Variants in ZNRF1 observed in about 807,000 individuals in gnomAD.
ZNRF1 encodes the protein E3 ubiquitin-protein ligase ZNRF1.
ZNRF1 carries 3 observed loss-of-function variants against 18.4 expected under a neutral mutation model. The observed-to-expected ratio is 0.16, with a 90% CI of 0.07 to 0.42. The LOEUF (loss-of-function observed/expected upper bound fraction) is 0.42, where lower values mean the gene tolerates loss of function less well. ZNRF1 is among the 10% of genes least tolerant of loss of function. The pLI, the probability that ZNRF1 is intolerant of heterozygous loss-of-function variation, is 0.99. For missense variants in ZNRF1, 310 were observed against 329.8 expected (o/e 0.94, Z 0.47); for synonymous variants, 157 against 144.2 (o/e 1.09, Z -0.64).
intron 1 of ZNRF1, among the ~76,000 whole-genome samples, chr16:75,010,719 G>GTTTTTTT (rs71158572): frequency 4.7e-5 from 4 of 85,046 alleles, no homozygotes; most frequent in Non-Finnish European, 1.0e-4. Context: ...TTGTTTTTTT[G>GTTTTTTT]TTTTTTTTTT....
chr16:75,015,555 A>G (rs890580847), intron 1 of ZNRF1, among the ~76,000 whole-genome samples: 1 of 152,208 alleles, frequency 6.6e-6, no homozygotes, highest in African/African-American at 2.4e-5. Flanking sequence ...AGCCTGGGCA[A>G]CAAGAGTGAA....
chr16:75,002,975 C>CA (rs2034871979), intron 1 of ZNRF1, among the ~76,000 whole-genome samples: 1 of 152,134 alleles, frequency 6.6e-6, no homozygotes, highest in Non-Finnish European at 1.5e-5. Context: ...TTTTTTGAGA[C>CA]AGAGTTTCGC....
intron 1 of ZNRF1, among the ~76,000 whole-genome samples, chr16:75,075,434 C>T (rs903396777): frequency 7.2e-5 from 11 of 152,238 alleles, no homozygotes; most frequent in African/African-American, 2.7e-4. Context: ...GTCTCACACA[C>T]GCTTCACTGT....
intron 1 of ZNRF1, among the ~76,000 whole-genome samples, chr16:75,004,034 C>T (rs1416790334): frequency 6.6e-6 from 1 of 151,420 alleles, no homozygotes; most frequent in African/African-American, 2.4e-5. Context: ...GATCATAGCT[C>T]ACTGCAGTCT....
chr16:75,051,604 A>G (rs1362632680), intron 1 of ZNRF1, among the ~76,000 whole-genome samples: 15 of 133,926 alleles, frequency 1.1e-4, no homozygotes, highest in African/African-American at 1.4e-4. Flanking sequence ...TGCAATCTCT[A>G]CCTCCCGGGT....
intron 1 of ZNRF1, among the ~76,000 whole-genome samples, chr16:75,050,778 G>A (rs1467947269): frequency 4.2e-5 from 6 of 144,482 alleles, no homozygotes; most frequent in Admixed American, 2.9e-4. Flanking sequence ...GGCTGAGGCA[G>A]GAGAATGACA....
intron 1 of ZNRF1, among the ~76,000 whole-genome samples, chr16:75,039,426 T>C (rs2145359459): frequency 6.6e-6 from 1 of 152,324 alleles, no homozygotes; most frequent in East Asian, 1.9e-4. Context: ...TTGGTCATTT[T>C]CAACCCAGGA....
At chr16:75,095,380 A>G (rs756555623) in intron 2 of ZNRF1, among the ~76,000 whole-genome samples, 1 of 152,050 alleles carries the variant, frequency 6.6e-6, no homozygotes. Context: ...TGTCGCATGC[A>G]TGCTGTCAGG....
chr16:75,067,069 G>C (rs1380374866), intron 1 of ZNRF1, among the ~76,000 whole-genome samples: 2 of 152,124 alleles, frequency 1.3e-5, no homozygotes, highest in African/African-American at 4.8e-5. Flanking sequence ...CATACCTGTT[G>C]CCTGGTCTGG....
At chr16:75,081,781 T>C (rs1481056692) in intron 1 of ZNRF1, among the ~76,000 whole-genome samples, 1 of 152,186 alleles carries the variant, frequency 6.6e-6, no homozygotes, top group Admixed American at 6.5e-5. Flanking sequence ...CTAGAAGAAA[T>C]TCTTGGGCTA....
chr16:75,035,757 C>G (rs555698551), intron 1 of ZNRF1, among the ~76,000 whole-genome samples: 1 of 152,268 alleles, frequency 6.6e-6, no homozygotes, highest in East Asian at 1.9e-4. Context: ...GCGCAGTGGC[C>G]GCCAACACTT....
chr16:75,050,323 C>G (rs548584132), intron 1 of ZNRF1, among the ~76,000 whole-genome samples: 76 of 151,958 alleles, frequency 5.0e-4, no homozygotes, highest in African/African-American at 1.8e-3. Context: ...CCCAGGAATT[C>G]GAGACCATAC....
chr16:75,054,035 T>G (rs2035639741), intron 1 of ZNRF1, among the ~76,000 whole-genome samples: 1 of 152,220 alleles, frequency 6.6e-6, no homozygotes, highest in African/African-American at 2.4e-5. Flanking sequence ...CTGATGCCAT[T>G]TGAGATTATT....
chr16:75,045,705 T>G (rs112778737), intron 1 of ZNRF1, among the ~76,000 whole-genome samples: 2 of 151,446 alleles, frequency 1.3e-5, no homozygotes, highest in African/African-American at 4.8e-5. Flanking sequence ...CAGCTGAATC[T>G]TCTTCTTCGT....
At chr16:75,099,528 A>G (rs1044817137) in intron 2 of ZNRF1, among the ~76,000 whole-genome samples, 5 of 152,112 alleles carry the variant, frequency 3.3e-5, no homozygotes, top group African/African-American at 1.2e-4. Context: ...ACACACTTCC[A>G]AGCTCTCCCT....
At chr16:75,096,119 C>T (rs935870420) in intron 2 of ZNRF1, among the ~76,000 whole-genome samples, 2 of 142,814 alleles carry the variant, frequency 1.4e-5, no homozygotes, top group African/African-American at 5.2e-5. Context: ...AGGCTTTACA[C>T]CTAAGGCTCT....
At chr16:75,036,864 T>C (rs994784221) in intron 1 of ZNRF1, among the ~76,000 whole-genome samples, 4 of 152,226 alleles carry the variant, frequency 2.6e-5, no homozygotes, top group Non-Finnish European at 5.9e-5. Context: ...TTCTTTATTA[T>C]GTTTGCTTAG....
chr16:75,031,962 A>G (rs2035310908), intron 1 of ZNRF1, among the ~76,000 whole-genome samples: 1 of 152,132 alleles, frequency 6.6e-6, no homozygotes, highest in Admixed American at 6.5e-5. Context: ...TCCCACCAAC[A>G]GTATATAAGG....
chr16:75,093,633 A>G lies in ZNRF1; in HGVS notation c.486A>G (p.Ile162Met), dbSNP rs752966847. 1 of 1,614,026 alleles carries G rather than the reference A, an allele frequency of 6.2e-7. No homozygotes were observed. Among genetic ancestry groups the G allele is most frequent in the East Asian group, 2.2e-5 (1 of 44,886 alleles). Reference sequence around the variant, plus strand: ...CTGACGAGATGGAAATGCACTTTATAATGTGTTTGAGCAAACCTCGCCTCT... The same window carrying G: ...CTGACGAGATGGAAATGCACTTTATGATGTGTTTGAGCAAACCTCGCCTCT... ...VASDEMEMHF[I>M]MCLSKPRLSY... Residue 162 changes from isoleucine to methionine, a missense_variant, in exon 2 of 5, where the codon ATA becomes ATG. This residue lies in a region of ZNRF1 where 293 missense variants were observed against 291.2 expected (regional missense o/e 1.01). Coordinates refer to ENST00000335325, the MANE Select transcript of ZNRF1 (RefSeq NM_032268.5).
Sources: gnomAD v4.1 joint callset for allele counts (sites outside exome capture counted in the v4.1 genomes callset) on GRCh38, gnomAD v4.1.1 for gene constraint, gnomAD v4.1.1 regional missense constraint, MANE v1.5 for transcripts, NCBI Gene and HGNC (gene_info 2026-07-23, HGNC 2026-07-21) for gene names.